The following SHOC2 variants were observed in gnomAD, a reference collection of about 807,000 sequenced individuals.
SHOC2 encodes leucine-rich repeat protein SHOC-2.
Under a neutral mutation model 50.2 loss-of-function variants are expected in SHOC2, and 4 were observed. The ratio of observed to expected loss-of-function variants is 0.08; its 90% CI spans 0.04 to 0.18. The LOEUF is 0.18. Among genes scored for constraint, SHOC2 ranks in the 10% least tolerant of loss-of-function variants. The probability of loss-of-function intolerance (pLI) is 1.00; values close to 1 mark genes in which losing one functional copy is unlikely to be tolerated. For missense variants in SHOC2, 388 were observed against 669.6 expected (o/e 0.58, Z 4.64); for synonymous variants, 218 against 244.5 (o/e 0.89, Z 1.01).
At chr10:110,970,629 G>A (rs1040882085) in intron 2 of SHOC2, among the ~76,000 whole-genome samples, 1 of 151,548 alleles carries the variant, frequency 6.6e-6, no homozygotes, top group Non-Finnish European at 1.5e-5. Context: ...CATAGTGGCT[G>A]TACCAATTTA....
chr10:110,957,292 G>A (rs1185919750), intron 1 of SHOC2, among the ~76,000 whole-genome samples: 1 of 152,160 alleles, frequency 6.6e-6, no homozygotes, highest in African/African-American at 2.4e-5. Flanking sequence ...TCCAATATGT[G>A]CTTGAGTAAA....
intron 2 of SHOC2, among the ~76,000 whole-genome samples, chr10:110,970,117 C>G (rs909416752): frequency 3.9e-5 from 6 of 152,122 alleles, no homozygotes; most frequent in African/African-American, 1.4e-4. Flanking sequence ...TGTTACAGAA[C>G]AGTAGAATTT....
intron 5 of SHOC2, among the ~76,000 whole-genome samples, chr10:111,006,520 G>A (rs1437960405): frequency 2.0e-5 from 3 of 152,070 alleles, no homozygotes; most frequent in East Asian, 1.9e-4. Flanking sequence ...ACAGGCGCCC[G>A]CCACTACGCC....
intron 2 of SHOC2, among the ~76,000 whole-genome samples, chr10:110,978,651 C>T (rs919866267): frequency 6.6e-6 from 1 of 152,216 alleles, no homozygotes; most frequent in East Asian, 1.9e-4. Context: ...CTGTGGTTCT[C>T]CCCTTGGGCT....
chr10:110,943,293 T>C (rs1847186860), intron 1 of SHOC2, among the ~76,000 whole-genome samples: 1 of 151,464 alleles, frequency 6.6e-6, no homozygotes. Context: ...CTGGATAATA[T>C]AAATTGACCT....
intron 2 of SHOC2, among the ~76,000 whole-genome samples, chr10:110,973,626 C>T (rs1276561923): frequency 6.6e-6 from 1 of 151,982 alleles, no homozygotes; most frequent in Non-Finnish European, 1.5e-5. Context: ...ATTATTTCCT[C>T]CTTAAATGTT....
At chr10:110,953,388 T>G (rs1847395119) in intron 1 of SHOC2, among the ~76,000 whole-genome samples, 1 of 152,212 alleles carries the variant, frequency 6.6e-6, no homozygotes, top group Non-Finnish European at 1.5e-5. Flanking sequence ...ATTCATACAG[T>G]ATGTAGCCTC....
intron 4 of SHOC2, among the ~76,000 whole-genome samples, chr10:111,002,533 G>A (rs750214112): frequency 1.1e-4 from 17 of 152,154 alleles, no homozygotes; most frequent in Non-Finnish European, 5.9e-5. Flanking sequence ...CAAGGCTTGA[G>A]TCTAGTTGCT....
At chr10:110,950,476 G>A (rs1411160382) in intron 1 of SHOC2, among the ~76,000 whole-genome samples, 1 of 152,068 alleles carries the variant, frequency 6.6e-6, no homozygotes, top group Non-Finnish European at 1.5e-5. Context: ...TGATACAACA[G>A]CTATCAAAAT....
chr10:110,961,641 A>G (rs1013754271), intron 1 of SHOC2, among the ~76,000 whole-genome samples: 5 of 152,170 alleles, frequency 3.3e-5, no homozygotes, highest in African/African-American at 1.2e-4. Flanking sequence ...GTGCTACAGG[A>G]TGAGTTTGGG....
chr10:110,960,575 T>C (rs890177112), intron 1 of SHOC2, among the ~76,000 whole-genome samples: 2 of 152,252 alleles, frequency 1.3e-5, no homozygotes, highest in East Asian at 1.9e-4. Flanking sequence ...CTAGAGGAAC[T>C]ATTCTACTTA....
intron 6 of SHOC2, among the ~76,000 whole-genome samples, chr10:111,008,558 A>G (rs763062797): frequency 2.0e-5 from 3 of 152,122 alleles, no homozygotes; most frequent in Non-Finnish European, 4.4e-5. Context: ...AATAATGCAC[A>G]TAATGCATTC....
In SHOC2 at chr10:110,940,910, G is replaced by GTTTTTTT. The variant is rs539552844; in HGVS notation, c.-235+21285_-235+21291dup. ...GACAAAATAGTGGTATTTGTGGTGG[G>GTTTTTTT]TTTTTTTTTTTTTTTTTTTTTTTTT... is the stretch of plus-strand genomic sequence containing the variant. On this transcript the variant is annotated intron_variant, in intron 1 of 8. Transcript: ENST00000369452. 8.2e-4 allele frequency among the ~76,000 whole-genome samples: 98 copies of GTTTTTTT among 119,460 alleles called. 2 individuals carry two copies. The highest frequency in any genetic ancestry group is 1.3e-3 in the Non-Finnish European group (79 of 58,646). The allele number at this position is 119,460 out of a possible 152,430, so 78.4% of individuals were successfully genotyped here.
intron 6 of SHOC2, among the ~76,000 whole-genome samples, chr10:111,008,727 T>C (rs1848514544): frequency 6.6e-6 from 1 of 152,152 alleles, no homozygotes; most frequent in African/African-American, 2.4e-5. Flanking sequence ...CCTATTGCTC[T>C]TTCTCCCAAC....
chr10:111,006,801 A>G (rs1848477046), intron 5 of SHOC2, among the ~76,000 whole-genome samples: 3 of 152,330 alleles, frequency 2.0e-5, no homozygotes, highest in African/African-American at 2.4e-5. Flanking sequence ...TCCTCTCCCA[A>G]TACCAATACC....
Position 111,009,233 on chromosome 10 carries a change from A to C in SHOC2, c.1285-15A>C. The C allele has an allele frequency of 1.3e-6, 2 of 1,504,424 alleles. No individual in the cohort carries two copies. Among genetic ancestry groups the C allele is most frequent in the Non-Finnish European group, 1.8e-6 (2 of 1,082,236 alleles). The allele number at this position is 1,504,424 out of a possible 1,614,324, so 93.2% of individuals were successfully genotyped here. On this transcript the variant is annotated splice_polypyrimidine_tract_variant and intron_variant, in intron 6 of 8. Coordinates refer to ENST00000369452, the MANE Select transcript of SHOC2 (RefSeq NM_007373.4). ...TTTCATGATTTCCTAAACATTATCA[A>C]TAATTTCTCATTAGGTTCTTATCTT...
At chr10:111,002,333 C>T (rs1433782191) in intron 4 of SHOC2, among the ~76,000 whole-genome samples, 1 of 152,174 alleles carries the variant, frequency 6.6e-6, no homozygotes, top group Non-Finnish European at 1.5e-5. Flanking sequence ...TTAGACAGCA[C>T]TTATGAGATA....
chr10:110,919,463 T>C (rs1035533659), upstream of SHOC2: 3 of 392,922 alleles, frequency 7.6e-6, no homozygotes, highest in African/African-American at 2.1e-5. Flanking sequence ...TTTTCTTGCC[T>C]AGCGAGTGAC....
intron 6 of SHOC2, among the ~76,000 whole-genome samples, chr10:111,008,117 A>G (rs1564730873): frequency 6.9e-6 from 1 of 144,746 alleles, no homozygotes; most frequent in Non-Finnish European, 1.5e-5. Context: ...CTAGCCCTCT[A>G]ATTTTAGTCC....
Sources: gnomAD v4.1 joint callset for allele counts (sites outside exome capture counted in the v4.1 genomes callset) on GRCh38, gnomAD v4.1.1 for gene constraint, MANE v1.5 for transcripts, NCBI Gene and HGNC (gene_info 2026-07-23, HGNC 2026-07-21) for gene names.